CTNNA2: variants seen among roughly 807,000 people sequenced by gnomAD.
The protein encoded by CTNNA2 is catenin alpha-2.
Under a neutral mutation model 101.0 loss-of-function variants are expected in CTNNA2, and 42 were observed. That is an observed-to-expected ratio of 0.42 (90% CI 0.32 to 0.54). The LOEUF is 0.54. CTNNA2 is among the 20% of genes least tolerant of loss of function. The pLI, the probability that CTNNA2 is intolerant of heterozygous loss-of-function variation, is 0.14. For synonymous variants in CTNNA2, 450 were observed against 456.4 expected (o/e 0.99, Z 0.18); for missense variants, 871 against 1,223.1 (o/e 0.71, Z 4.29).
At chr2:80,294,277 A>G (rs182114695) in intron 7 of CTNNA2, among the ~76,000 whole-genome samples, 10 of 152,340 alleles carry the variant, frequency 6.6e-5, no homozygotes, top group East Asian at 1.9e-4. Flanking sequence ...AAAAACAAAT[A>G]TAAGAATAAT....
chr2:79,519,189 A>G (rs1671967566), intron 1 of CTNNA2, among the ~76,000 whole-genome samples: 1 of 149,906 alleles, frequency 6.7e-6, no homozygotes, highest in African/African-American at 2.5e-5. Flanking sequence ...AGATGGTGCC[A>G]CTGCACTTCA....
chr2:80,168,754 G>A (rs1482562873), intron 7 of CTNNA2, among the ~76,000 whole-genome samples: 2 of 152,066 alleles, frequency 1.3e-5, no homozygotes, highest in African/African-American at 2.4e-5. Flanking sequence ...CTATGGGTGG[G>A]ACCAGGTATA....
At chr2:80,484,448 C>T (rs1457165483) in intron 9 of CTNNA2, among the ~76,000 whole-genome samples, 1 of 152,076 alleles carries the variant, frequency 6.6e-6, no homozygotes. Context: ...TAATACTTGG[C>T]TCATTGGCTG....
chr2:79,243,519 C>T (rs999295793), intron 2 of CTNNA2, among the ~76,000 whole-genome samples: 5 of 152,170 alleles, frequency 3.3e-5, no homozygotes, highest in African/African-American at 4.8e-5. Flanking sequence ...TTTTTAGCAA[C>T]GAAGCTTGTT....
intron 2 of CTNNA2, among the ~76,000 whole-genome samples, chr2:79,685,576 G>A (rs1573674857): frequency 6.6e-6 from 1 of 152,136 alleles, no homozygotes; most frequent in East Asian, 1.9e-4. Context: ...TGTACACGGA[G>A]TCTAGGACAA....
chr2:79,972,865 A>G (rs949583048), intron 7 of CTNNA2, among the ~76,000 whole-genome samples: 3 of 152,170 alleles, frequency 2.0e-5, no homozygotes, highest in South Asian at 4.1e-4. Flanking sequence ...CCGGTGGAGA[A>G]CTGAATCCCA....
intron 7 of CTNNA2, among the ~76,000 whole-genome samples, chr2:80,265,704 C>T (rs1362422172): frequency 6.6e-6 from 1 of 152,180 alleles, no homozygotes; most frequent in Non-Finnish European, 1.5e-5. Flanking sequence ...GCCTGATCTA[C>T]TCAGCTAATA....
chr2:80,009,421 A>G (rs551225940), intron 7 of CTNNA2, among the ~76,000 whole-genome samples: 1 of 152,142 alleles, frequency 6.6e-6, no homozygotes, highest in Non-Finnish European at 1.5e-5. Context: ...CTCGCAAGTC[A>G]TTGGGAAGAT....
chr2:80,102,767 CT>C (rs1700621505), intron 7 of CTNNA2, among the ~76,000 whole-genome samples: 1 of 152,252 alleles, frequency 6.6e-6, no homozygotes, highest in Non-Finnish European at 1.5e-5. Context: ...CAGCCTCAGC[CT>C]CCCAATGTGC....
chr2:80,375,787 T>A (rs1328740489), intron 7 of CTNNA2, among the ~76,000 whole-genome samples: 2 of 151,798 alleles, frequency 1.3e-5, no homozygotes, highest in African/African-American at 4.8e-5. Context: ...ATGGTCTCGA[T>A]CTCCTGACCT....
At chr2:79,623,442 T>TA (rs1286469483) in intron 1 of CTNNA2, among the ~76,000 whole-genome samples, 1 of 152,196 alleles carries the variant, frequency 6.6e-6, no homozygotes, top group Non-Finnish European at 1.5e-5. Context: ...TAGACTCTTG[T>TA]AAGAGTCTCT....
intron 7 of CTNNA2, among the ~76,000 whole-genome samples, chr2:80,369,579 A>C (rs568794371): frequency 6.6e-6 from 1 of 152,064 alleles, no homozygotes; most frequent in African/African-American, 2.4e-5. Context: ...AAGGATATCC[A>C]CGTACTAAGT....
intron 6 of CTNNA2, among the ~76,000 whole-genome samples, chr2:79,893,886 A>G (rs191681691): frequency 1.3e-5 from 2 of 152,302 alleles, no homozygotes; most frequent in Admixed American, 1.3e-4. Flanking sequence ...AGCTCTAGAC[A>G]TCTGTTTAGC....
At chr2:79,276,070 C>T (rs1019060925) in intron 2 of CTNNA2, among the ~76,000 whole-genome samples, 15 of 151,826 alleles carry the variant, frequency 9.9e-5, no homozygotes, top group African/African-American at 3.6e-4. Flanking sequence ...AAGACTATTC[C>T]AGGAAAAGGG....
intron 18 of CTNNA2, among the ~76,000 whole-genome samples, chr2:80,630,254 A>C (rs1672134671): frequency 6.6e-6 from 1 of 152,240 alleles, no homozygotes; most frequent in Non-Finnish European, 1.5e-5. Flanking sequence ...TACTTTTTAC[A>C]AACAAGAGTA....
At chr2:79,876,228 C>CT (rs1484577566) in intron 6 of CTNNA2, among the ~76,000 whole-genome samples, 1 of 151,764 alleles carries the variant, frequency 6.6e-6, no homozygotes, top group African/African-American at 2.4e-5. Context: ...GTTTGTTTGT[C>CT]TTTTTTTATA....
At chr2:79,453,274 TA>T (rs1410223259) in intron 4 of CTNNA2, among the ~76,000 whole-genome samples, 1 of 152,178 alleles carries the variant, frequency 6.6e-6, no homozygotes, top group African/African-American at 2.4e-5. Flanking sequence ...AGCATTCAAA[TA>T]AGTTCAGCTA....
At chr2:79,705,421 A>G (rs561645761) in intron 2 of CTNNA2, among the ~76,000 whole-genome samples, 1 of 152,250 alleles carries the variant, frequency 6.6e-6, no homozygotes, top group Admixed American at 6.5e-5. Flanking sequence ...TAATTTAGAA[A>G]TTAAACTTTA....
intron 9 of CTNNA2, among the ~76,000 whole-genome samples, chr2:80,507,993 A>G (rs79814194): frequency 0.028 from 4,272 of 152,268 alleles, 114 homozygotes; most frequent in East Asian, 0.06. Flanking sequence ...AGAGGCCCAG[A>G]CCTGGGATCA....
Sources: allele counts gnomAD v4.1 joint callset (sites outside exome capture counted in the v4.1 genomes callset), GRCh38; gene constraint gnomAD v4.1.1; transcripts MANE v1.5; gene names NCBI Gene and HGNC (gene_info 2026-07-23, HGNC 2026-07-21).